The following GABBR1 variants were observed in gnomAD, a reference collection of about 807,000 sequenced individuals.
GABBR1 encodes the protein GABA-B receptor, R1 subunit.
Under a neutral mutation model 117.7 loss-of-function variants are expected in GABBR1, and 35 were observed. That is an observed-to-expected ratio of 0.30 (90% confidence interval 0.23 to 0.39). GABBR1 has a LOEUF of 0.39. GABBR1 is among the 10% of genes least tolerant of loss of function. GABBR1 has a pLI of 1.00. For missense variants in GABBR1, 709 were observed against 1,241.8 expected (o/e 0.57, Z 6.45); for synonymous variants, 442 against 486.6 (o/e 0.91, Z 1.21).
chr6:29,622,821 CT>C lies in GABBR1; in HGVS notation c.963+483del, dbSNP rs2127434161. ...CCAACTACCAGATCCATGCAGCTGC[CT>C]TTCTGCCCCTCTCTCTCCTCTCCCT... is the stretch of plus-strand genomic sequence containing the variant. On this transcript the variant is annotated intron_variant, in intron 8 of 22. Transcript: ENST00000377034. This position sits in a 1 kb window ranked among gnomAD's most constrained non-coding sequence, Gnocchi z 4.6. 6.6e-6 allele frequency among the ~76,000 whole-genome samples: 1 copy of C among 152,066 alleles called. No homozygotes were observed. Among genetic ancestry groups the C allele is most frequent in the African/African-American group, 2.4e-5 (1 of 41,462 alleles).
At position 29,632,326 on chromosome 6, in the gene GABBR1, C is replaced by A. The variant is rs79229483; in HGVS notation, c.60G>T (p.Ala20=). ...LFLRPPGAGG[A]QTPNATSEGC... ...CTTCTGAGGTGGCGTTGGGGGTCTG[C>A]GCCCCGCCCGCGCCCGGGGGGCGGA... Residue 20 remains alanine, a synonymous_variant, in exon 2 of 23, where the codon GCG becomes GCT. Transcript: ENST00000377034. This position sits in a 1 kb window ranked among gnomAD's most constrained non-coding sequence, Gnocchi z 5.8. 2 of 1,372,606 alleles carry A rather than the reference C, an allele frequency of 1.5e-6. No homozygotes were observed. Among genetic ancestry groups the A allele is most frequent in the East Asian group, 3.1e-5 (1 of 32,538 alleles). The allele number at this position is 1,372,606 out of a possible 1,614,324, so 85.0% of individuals were successfully genotyped here.
chr6:29,603,342 A>T lies in GABBR1; in HGVS notation c.*201T>A. 1.4e-6 allele frequency: 1 copy of T among 706,324 alleles called. No individual in the cohort carries two copies. The highest frequency in any genetic ancestry group is 2.6e-6 in the Non-Finnish European group (1 of 385,276). The allele number at this position is 706,324 out of a possible 1,614,324, so 43.8% of individuals were successfully genotyped here. ...TGATACAAAATTACATGAAGCAGTA[A>T]GAGAGAAAAAGGTCTGTTTCCCAGA... On this transcript the variant is annotated 3_prime_UTR_variant, in exon 23 of 23. Coordinates refer to ENST00000377034, the MANE Select transcript of GABBR1 (RefSeq NM_001470.4).
intron 11 of GABBR1, among the ~76,000 whole-genome samples, chr6:29,618,464 C>T (rs940046908): frequency 5.9e-5 from 9 of 152,244 alleles, no homozygotes; most frequent in Non-Finnish European, 7.3e-5. Context: ...CCTCAACCCA[C>T]AGCAATTAGT....
Position 29,632,517 on chromosome 6 carries a change from C to G in GABBR1, c.1-132G>C, listed in dbSNP as rs1010449910. 4.2e-6 allele frequency: 4 copies of G among 956,156 alleles called. No individual in the cohort carries two copies. Among genetic ancestry groups the G allele is most frequent in the South Asian group, 2.0e-5 (1 of 50,020 alleles). 59.2% of individuals were successfully genotyped at this position (956,156 alleles called of 1,614,324 possible). A position where few individuals can be genotyped will look rare whatever the true frequency, so the allele number is the denominator to read the frequency against. Reference sequence around the variant, plus strand: ...CAGCCTGGGGACCAAGAGAGCGCCCCGCGGAGGAGGCGGGGGCGGAGCCCC... The same window carrying G: ...CAGCCTGGGGACCAAGAGAGCGCCCGGCGGAGGAGGCGGGGGCGGAGCCCC... On this transcript the variant is annotated intron_variant, in intron 1 of 22. Transcript: ENST00000377034. The surrounding 1 kb of genome is among the most constrained non-coding windows in gnomAD (Gnocchi z 5.8).
intron 11 of GABBR1, among the ~76,000 whole-genome samples, chr6:29,619,547 G>A (rs1763537586): frequency 6.6e-6 from 1 of 151,854 alleles, no homozygotes; most frequent in South Asian, 2.1e-4. Context: ...TAGAGCTGGG[G>A]GTCTCACTAT....
chr6:29,628,920 G>A (rs1377844736), intron 5 of GABBR1, among the ~76,000 whole-genome samples, 167 bp downstream of exon 5: 1 of 151,726 alleles, frequency 6.6e-6, no homozygotes, highest in Non-Finnish European at 1.5e-5. Context: ...GGGACTGGAG[G>A]CAGGAAACAG....
chr6:29,608,527 T>C (rs1762189971), intron 16 of GABBR1, 74 bp downstream of exon 16: 3 of 1,488,174 alleles, frequency 2.0e-6, no homozygotes, highest in Non-Finnish European at 1.8e-6. Context: ...CAGAGAATCA[T>C]AAATCATGGA....
Position 29,613,203 on chromosome 6 carries a change from A to G in GABBR1, c.1566+40T>C. On this transcript the variant is annotated intron_variant, in intron 12 of 22. Coordinates refer to ENST00000377034, the MANE Select transcript of GABBR1 (RefSeq NM_001470.4). The surrounding 1 kb of genome is among the most constrained non-coding windows in gnomAD (Gnocchi z 4.1). ...GTGCCTCTTGGGAGTCTCTCTCAAG[A>G]TTGGGAAGACAGGGGAGTATGAAGG... 6.2e-7 allele frequency: 1 copy of G among 1,601,388 alleles called. No homozygotes were observed. The highest frequency in any genetic ancestry group is 8.5e-7 in the Non-Finnish European group (1 of 1,170,836).
Position 29,613,091 on chromosome 6 carries a change from C to G in GABBR1, c.1566+152G>C. Reference sequence around the variant, plus strand: ...TTCCTCTAGTCTTTGATGGGTTCTTCTAATTTGAAGGTCCCTACTTCTCTG... The same window carrying G: ...TTCCTCTAGTCTTTGATGGGTTCTTGTAATTTGAAGGTCCCTACTTCTCTG... On this transcript the variant is annotated intron_variant, in intron 12 of 22. Coordinates refer to ENST00000377034, the MANE Select transcript of GABBR1 (RefSeq NM_001470.4). This position sits in a 1 kb window ranked among gnomAD's most constrained non-coding sequence, Gnocchi z 4.1. 1 of 823,754 alleles carries G rather than the reference C, an allele frequency of 1.2e-6. No individual in the cohort carries two copies. The highest frequency in any genetic ancestry group is 1.9e-6 in the Non-Finnish European group (1 of 515,704). The allele number at this position is 823,754 out of a possible 1,614,324, so 51.0% of individuals were successfully genotyped here. A position where few individuals can be genotyped will look rare whatever the true frequency, so the allele number is the denominator to read the frequency against.
In GABBR1 at chr6:29,632,371, C is replaced by G. The variant is rs74879535; in HGVS notation, c.15G>C (p.Leu5=). 29 of 1,343,910 alleles carry G rather than the reference C, an allele frequency of 2.2e-5. No homozygotes were observed. The South Asian group carries it at 5.7e-4, about 27-fold the overall frequency. 83.2% of individuals were successfully genotyped at this position (1,343,910 alleles called of 1,614,324 possible). The change falls in exon 2 of 23, where the codon CTG becomes CTC. Residue 5 remains leucine (L), a synonymous_variant. Transcript: ENST00000377034. The surrounding 1 kb of genome is among the most constrained non-coding windows in gnomAD (Gnocchi z 5.8). Reference sequence around the variant, plus strand: ...GGCGGAGGAAGAGTGGCGCCAGTAGCAGCAGCAGCAACATCTAAGTGAGAG... The same window carrying G: ...GGCGGAGGAAGAGTGGCGCCAGTAGGAGCAGCAGCAACATCTAAGTGAGAG... MLLL[L]LLAPLFLRPP...
Position 29,627,875 on chromosome 6 carries a change from C to T in GABBR1, c.497-229G>A. 7.3e-7 allele frequency: 1 copy of T among 1,366,758 alleles called. No individual in the cohort carries two copies. The highest frequency in any genetic ancestry group is 2.4e-4 in the Middle Eastern group (1 of 4,108). The allele number at this position is 1,366,758 out of a possible 1,614,324, so 84.7% of individuals were successfully genotyped here. A position where few individuals can be genotyped will look rare whatever the true frequency, so the allele number is the denominator to read the frequency against. ...CCTGGGGAGGGCTGCTAAGAGGGTGCCGGGGAGGCGCCTCCATCCCTGATT... is the reference window on the plus strand; with the variant it reads ...CCTGGGGAGGGCTGCTAAGAGGGTGTCGGGGAGGCGCCTCCATCCCTGATT... On this transcript the variant is annotated intron_variant, in intron 5 of 22. Transcript: ENST00000377034. This position sits in a 1 kb window ranked among gnomAD's most constrained non-coding sequence, Gnocchi z 4.4.
chr6:29,621,401 C>G lies in GABBR1; in HGVS notation c.1132-109G>C. On this transcript the variant is annotated intron_variant, in intron 10 of 22. Transcript: ENST00000377034. The surrounding 1 kb of genome is among the most constrained non-coding windows in gnomAD (Gnocchi z 5.0). ...TGGGAATCAGGGAAGAGCAGTAGAA[C>G]TAAAAAGAGAAATCTACAAGTCTTG... The G allele has an allele frequency of 1.2e-6, 1 of 843,970 alleles. No homozygotes were observed. The highest frequency in any genetic ancestry group is 2.7e-5 in the East Asian group (1 of 37,732). The allele number at this position is 843,970 out of a possible 1,614,324, so 52.3% of individuals were successfully genotyped here.
Position 29,627,498 on chromosome 6 carries a change from G to T in GABBR1, c.645C>A (p.His215Gln), listed in dbSNP as rs1291161364. Residue 215 changes from histidine (H) to glutamine (Q), a missense_variant, in exon 6 of 23, where the codon CAC (histidine) becomes CAA (glutamine). Around this residue, in one of 9 missense-constraint regions of GABBR1, gnomAD observed 192 missense variants for 418.4 expected, o/e 0.46. Transcript: ENST00000377034. The surrounding 1 kb of genome is among the most constrained non-coding windows in gnomAD (Gnocchi z 4.4). ...TGTCCAGGGCTACCTTGCTGTCGTG[G>T]TGGATGAGCTTGAGCTCATAGTCCG... The part of the protein sequence containing the change: ...ILPDYELKLI[H>Q]HDSKCDPGQA... 6.2e-7 allele frequency: 1 copy of T among 1,604,966 alleles called. No individual in the cohort carries two copies. The highest frequency in any genetic ancestry group is 8.5e-7 in the Non-Finnish European group (1 of 1,176,438).
In GABBR1 at chr6:29,620,524, C is replaced by T. The variant is rs1763640054; in HGVS notation, c.1323+577G>A. 6.6e-6 allele frequency among the ~76,000 whole-genome samples: 1 copy of T among 152,182 alleles called. No individual in the cohort carries two copies. Among genetic ancestry groups the T allele is most frequent in the South Asian group, 2.1e-4 (1 of 4,830 alleles). On this transcript the variant is annotated intron_variant, in intron 11 of 22. Transcript: ENST00000377034. The surrounding 1 kb of genome is among the most constrained non-coding windows in gnomAD (Gnocchi z 4.5). ...CAGGGCTGCCCCAGCCCTCTCAAATCAGAGAATGCGCCTCCTCGCTCCAAG... is the reference window on the plus strand; with the variant it reads ...CAGGGCTGCCCCAGCCCTCTCAAATTAGAGAATGCGCCTCCTCGCTCCAAG...
chr6:29,619,415 AG>A (rs1314468044), intron 11 of GABBR1, among the ~76,000 whole-genome samples: 2 of 152,244 alleles, frequency 1.3e-5, no homozygotes, highest in African/African-American at 2.4e-5. Context: ...CCTCAAAAGC[AG>A]GAACCATCTT....
chr6:29,621,024 C>A lies in GABBR1; in HGVS notation c.1323+77G>T. On this transcript the variant is annotated intron_variant, in intron 11 of 22. Coordinates refer to ENST00000377034, the MANE Select transcript of GABBR1 (RefSeq NM_001470.4). The surrounding 1 kb of genome is among the most constrained non-coding windows in gnomAD (Gnocchi z 5.0). ...ATCCAAATTCCGCACCCTCTCCCTG[C>A]CACCCTTTCCCCTGCAAGGCCCCCT... 3 of 1,323,048 alleles carry A rather than the reference C, an allele frequency of 2.3e-6. No homozygotes were observed. The South Asian group carries it at 4.0e-5, about 18-fold the overall frequency. The allele number at this position is 1,323,048 out of a possible 1,614,324, so 82.0% of individuals were successfully genotyped here. A position where few individuals can be genotyped will look rare whatever the true frequency, so the allele number is the denominator to read the frequency against.
rs896959013 is a variant in GABBR1 at position 29,607,303 on chromosome 6, G to C, written c.1993-85C>G. The C allele has an allele frequency of 9.1e-6, 10 of 1,095,936 alleles. No individual in the cohort carries two copies. In the African/African-American group the frequency reaches 1.4e-4, roughly 15 times the overall value. The allele number at this position is 1,095,936 out of a possible 1,614,324, so 67.9% of individuals were successfully genotyped here. A position where few individuals can be genotyped will look rare whatever the true frequency, so the allele number is the denominator to read the frequency against. ...AGGATGGGCAGAACCCTAAGGGAGA[G>C]TGGGCAGGGAGCACGGGCAGGGAGC... On this transcript the variant is annotated intron_variant, in intron 16 of 22. Transcript: ENST00000377034. The surrounding 1 kb of genome is among the most constrained non-coding windows in gnomAD (Gnocchi z 5.0).
chr6:29,609,291 G>T lies in GABBR1; in HGVS notation c.1797C>A (p.Ser599=). 1.9e-6 allele frequency: 3 copies of T among 1,612,944 alleles called. No homozygotes were observed. Among genetic ancestry groups the T allele is most frequent in the Non-Finnish European group, 1.7e-6 (2 of 1,179,920 alleles). The change falls in exon 15 of 23, where the codon TCC becomes TCA. Residue 599 remains serine (S), a synonymous_variant. Coordinates refer to ENST00000377034, the MANE Select transcript of GABBR1 (RefSeq NM_001470.4). This position sits in a 1 kb window ranked among gnomAD's most constrained non-coding sequence, Gnocchi z 4.3. ...CAACAGCTAGGACAATGCCCAGGCT[G>T]GAGAGAACTGAGACGGAGATAAAGA... ...QKLFISVSVL[S]SLGIVLAVVC...
At position 29,608,965 on chromosome 6, in the gene GABBR1, G is replaced by C. The variant is rs185645531; in HGVS notation, c.1860-232C>G. ...AGCACAGGCCCCCACTAGAATACAG[G>C]CTATTTATGTAGAGTCCAAGACTGT... On this transcript the variant is annotated intron_variant, in intron 15 of 22. Coordinates refer to ENST00000377034, the MANE Select transcript of GABBR1 (RefSeq NM_001470.4). Among the ~76,000 whole-genome samples the C allele has an allele frequency of 1.3e-3, 191 of 152,268 alleles. 1 individual carries two copies. The highest frequency in any genetic ancestry group is 3.6e-3 in the African/African-American group (150 of 41,532).
Sources: gnomAD v4.1 joint callset for allele counts (sites outside exome capture counted in the v4.1 genomes callset) on GRCh38, gnomAD v4.1.1 for gene constraint, gnomAD v4.1.1 regional missense constraint, Gnocchi (gnomAD v3.1) non-coding constraint, MANE v1.5 for transcripts, NCBI Gene and HGNC (gene_info 2026-07-23, HGNC 2026-07-21) for gene names.